The following L3MBTL2 variants were observed in gnomAD, a reference collection of about 807,000 sequenced individuals.
L3MBTL2 encodes the protein lethal(3)malignant brain tumor-like protein 2.
A neutral mutation model predicts 86.4 loss-of-function variants in L3MBTL2; 49 were observed. The ratio of observed to expected loss-of-function variants is 0.57; its 90% CI spans 0.45 to 0.72. The LOEUF is 0.72. L3MBTL2 is among the 30% of genes least tolerant of loss of function. The pLI, the probability that L3MBTL2 is intolerant of heterozygous loss-of-function variation, is 0.00. For missense variants in L3MBTL2, 755 were observed against 923.7 expected (o/e 0.82, Z 2.37); for synonymous variants, 336 against 350.6 (o/e 0.96, Z 0.47).
chr22:41,230,729 G>C lies in L3MBTL2; in HGVS notation c.*478G>C, dbSNP rs2032544056. ...CCCCTGACAGTGAGTTGTGTGGTGG[G>C]GGCAGCCTCTGCCTCAAAAATTCAC... On this transcript the variant is annotated 3_prime_UTR_variant, in exon 17 of 17. Coordinates refer to ENST00000216237, the MANE Select transcript of L3MBTL2 (RefSeq NM_031488.5). 6.5e-6 allele frequency: 1 copy of C among 154,556 alleles called. No individual in the cohort carries two copies. The highest frequency in any genetic ancestry group is 2.4e-5 in the African/African-American group (1 of 41,458). The allele number at this position is 154,556 out of a possible 1,614,324, so 9.6% of individuals were successfully genotyped here.
At chr22:41,228,845 A>G (rs1396469500) in intron 15 of L3MBTL2, among the ~76,000 whole-genome samples, 1 of 123,590 alleles carries the variant, frequency 8.1e-6, no homozygotes, top group African/African-American at 3.4e-5. Flanking sequence ...GGGAAACTCC[A>G]TCGCACAAAA....
At chr22:41,219,566 A>G in intron 6 of L3MBTL2, 30 bp downstream of exon 6, 1 of 1,419,324 alleles carries the variant, frequency 7.0e-7, no homozygotes, top group South Asian at 1.2e-5. Context: ...AGGGCCAGGG[A>G]TGTGTCTGCA....
chr22:41,219,377 A>G (rs757522965), intron 5 of L3MBTL2, 42 bp from the exon 6 acceptor site: 2 of 1,465,378 alleles, frequency 1.4e-6, no homozygotes, highest in South Asian at 2.3e-5. Flanking sequence ...CCCTGCTAGC[A>G]CAGTTAGCTC....
intron 1 of L3MBTL2, among the ~76,000 whole-genome samples, chr22:41,207,957 G>A (rs563081334): frequency 6.6e-6 from 1 of 151,146 alleles, no homozygotes; most frequent in African/African-American, 2.4e-5. Flanking sequence ...TCAGCCTCCC[G>A]AGTAGCTGGG....
intron 5 of L3MBTL2, 150 bp downstream of exon 5, chr22:41,217,352 T>C: frequency 1.6e-6 from 1 of 614,892 alleles, no homozygotes; most frequent in Non-Finnish European, 2.9e-6. Context: ...CTCCATTTCA[T>C]GTTTATGTCA....
intron 3 of L3MBTL2, among the ~76,000 whole-genome samples, chr22:41,215,704 A>ACCCTCTCCCGAACATTTGCCTATGTGGG (rs2031293734): frequency 1.4e-5 from 2 of 142,164 alleles, no homozygotes; most frequent in African/African-American, 2.6e-5. Flanking sequence ...GCCTATGTGG[A>ACCCTCTCCCGAACATTTGCCTATGTGGG]CCCTCTCCCG....
chr22:41,228,754 G>A (rs1192361767), intron 15 of L3MBTL2, among the ~76,000 whole-genome samples: 1 of 151,904 alleles, frequency 6.6e-6, no homozygotes, highest in Non-Finnish European at 1.5e-5. Context: ...GGAGGCTGAG[G>A]CAGGAGAATC....
chr22:41,227,955 C>T lies in L3MBTL2; in HGVS notation c.1888+86C>T. On this transcript the variant is annotated intron_variant, in intron 15 of 16. Coordinates refer to ENST00000216237, the MANE Select transcript of L3MBTL2 (RefSeq NM_031488.5). The surrounding 1 kb of genome is among the most constrained non-coding windows in gnomAD (Gnocchi z 6.0). ...CTGGGAGCAGGCGGGGGTCAGCCCC[C>T]AGGCACTGGTTCCCAGGTGCTGTCC... The T allele has an allele frequency of 1.3e-6, 2 of 1,546,706 alleles. No homozygotes were observed. Among genetic ancestry groups the T allele is most frequent in the Non-Finnish European group, 1.7e-6 (2 of 1,146,468 alleles).
chr22:41,228,013 G>A lies in L3MBTL2; in HGVS notation c.1888+144G>A. 2.1e-6 allele frequency: 3 copies of A among 1,428,672 alleles called. No homozygotes were observed. The South Asian group carries it at 4.4e-5, about 21-fold the overall frequency. 88.5% of individuals were successfully genotyped at this position (1,428,672 alleles called of 1,614,324 possible). On this transcript the variant is annotated intron_variant, in intron 15 of 16. Transcript: ENST00000216237. Reference sequence around the variant, plus strand: ...GTAGCTCTCTTCGTGTTCCTGTCCTGTCTCTTTCCCCTTGCCCTTTGGCCT... The same window carrying A: ...GTAGCTCTCTTCGTGTTCCTGTCCTATCTCTTTCCCCTTGCCCTTTGGCCT...
intron 7 of L3MBTL2, 107 bp downstream of exon 7, chr22:41,220,975 A>G: frequency 7.5e-7 from 1 of 1,330,868 alleles, no homozygotes; most frequent in South Asian, 1.4e-5. Flanking sequence ...TTGTTAGAAC[A>G]GAATCCACTT....
At chr22:41,219,933 G>A (rs1458391785) in intron 6 of L3MBTL2, among the ~76,000 whole-genome samples, 1 of 152,116 alleles carries the variant, frequency 6.6e-6, no homozygotes, top group Non-Finnish European at 1.5e-5. Context: ...TAGTAGAGAC[G>A]GGGTTTCACT....
rs1384669086 is a variant in L3MBTL2 at position 41,229,560 on chromosome 22, A to G, written c.1909A>G (p.Lys637Glu). 3.1e-6 allele frequency: 5 copies of G among 1,612,108 alleles called. No homozygotes were observed. The highest frequency in any genetic ancestry group is 4.2e-6 in the Non-Finnish European group (5 of 1,178,396). The change falls in exon 16 of 17, where the codon AAG (lysine) becomes GAG (glutamate). Residue 637 changes from lysine to glutamate, a missense_variant. Lys to Glu is a moderately conservative substitution (Grantham distance 56, BLOSUM62 1). This residue lies in a region of L3MBTL2 where 634 missense variants were observed against 748.9 expected (regional missense o/e 0.85). Transcript: ENST00000216237. ...GKKRKRIPPT[K>E]TRPLRQGSKK... The stretch of plus-strand genomic sequence containing the variant: ...CAAAGGGAAAAGAATCCCGCCCACT[A>G]AGACGCGACCCCTCAGACAGGGGTC...
chr22:41,210,141 T>TTA, intron 2 of L3MBTL2: 5 of 425,294 alleles, frequency 1.2e-5, no homozygotes, highest in Non-Finnish European at 2.0e-5. Flanking sequence ...GAAGTCTAAT[T>TTA]TCTTTTTTTT....
intron 3 of L3MBTL2, 31 bp from the exon 4 acceptor site, chr22:41,216,108 G>T: frequency 6.3e-7 from 1 of 1,595,808 alleles, no homozygotes; most frequent in East Asian, 2.3e-5. Flanking sequence ...CCAGCCGCCA[G>T]GCTACACATA....
chr22:41,210,991 T>C (rs553810199), intron 2 of L3MBTL2, among the ~76,000 whole-genome samples: 1 of 152,174 alleles, frequency 6.6e-6, no homozygotes, highest in African/African-American at 2.4e-5. Flanking sequence ...GGGAAGGTAA[T>C]ACACGATAAA....
At chr22:41,221,176 G>C in intron 7 of L3MBTL2, 23 bp from the exon 8 acceptor site, 1 of 1,536,378 alleles carries the variant, frequency 6.5e-7, no homozygotes, top group Non-Finnish European at 8.8e-7. Flanking sequence ...TGTGTAACCA[G>C]GATTCTGCTG....
At chr22:41,222,779 G>T (rs576964785) in intron 8 of L3MBTL2, among the ~76,000 whole-genome samples, 24 of 152,354 alleles carry the variant, frequency 1.6e-4, no homozygotes, top group Admixed American at 1.6e-3. Context: ...AATTAGCTGG[G>T]TGTGGTGGCA....
At chr22:41,217,630 C>T (rs1346698544) in intron 5 of L3MBTL2, 4 of 181,032 alleles carry the variant, frequency 2.2e-5, no homozygotes, top group African/African-American at 9.6e-5. Context: ...CGATGCGGAT[C>T]ATGTAAAAGC....
At chr22:41,209,000 G>A (rs1203055694) in intron 1 of L3MBTL2, 1 of 152,092 alleles carries the variant, frequency 6.6e-6, no homozygotes, top group Non-Finnish European at 1.5e-5. Context: ...CTTGGCCTCG[G>A]AAAGTGCTGG....
Sources: gnomAD v4.1 joint callset for allele counts (sites outside exome capture counted in the v4.1 genomes callset) on GRCh38, gnomAD v4.1.1 for gene constraint, gnomAD v4.1.1 regional missense constraint, Gnocchi (gnomAD v3.1) non-coding constraint, MANE v1.5 for transcripts, NCBI Gene and HGNC (gene_info 2026-07-23, HGNC 2026-07-21) for gene names.